The following ABCE1 variants were observed in gnomAD, a reference collection of about 807,000 sequenced individuals.
ABCE1 encodes the protein ATP-binding cassette sub-family E member 1.
ABCE1 carries 22 observed loss-of-function variants against 83.4 expected under a neutral mutation model. The ratio of observed to expected loss-of-function variants is 0.26; its 90% CI spans 0.19 to 0.38. ABCE1 has a LOEUF of 0.38. Among genes scored for constraint, ABCE1 ranks in the 10% least tolerant of loss-of-function variants. ABCE1 has a pLI of 1.00. For missense variants in ABCE1, 330 were observed against 721.9 expected (o/e 0.46, Z 6.22); for synonymous variants, 204 against 233.7 (o/e 0.87, Z 1.16).
At position 145,110,421 on chromosome 4, in the gene ABCE1, A is replaced by G; in HGVS notation, c.590A>G (p.Gln197Arg). Residue 197 changes from glutamine (Q) to arginine (R), a missense_variant, in exon 7 of 18, where the codon CAG becomes CGG. Physicochemically the swap from Gln to Arg is conservative, Grantham distance 43. Transcript: ENST00000296577. ...GACCGAAAAGATGAAACAAAGACAC[A>G]GGCAATTGTATGTCAGCAGCTTGGT... ...ILDRKDETKT[Q>R]AIVCQQLDLT... is the part of the protein sequence containing the mutation. 1 of 1,612,172 alleles carries G rather than the reference A, an allele frequency of 6.2e-7. No homozygotes were observed. The highest frequency in any genetic ancestry group is 8.5e-7 in the Non-Finnish European group (1 of 1,179,934).
Position 145,101,650 on chromosome 4 carries a change from C to T in ABCE1, c.-27-2736C>T, listed in dbSNP as rs34744117. 4.7e-3 allele frequency among the ~76,000 whole-genome samples: 714 copies of T among 152,298 alleles called. 2 individuals are homozygous for T. Among genetic ancestry groups the T allele is most frequent in the Middle Eastern group, 0.014 (4 of 294 alleles). Reference sequence around the variant, plus strand: ...GATGATAGTGATAGCTTACACCAAACTCATGAGATCAGATTCTGGATGTTT... The same window carrying T: ...GATGATAGTGATAGCTTACACCAAATTCATGAGATCAGATTCTGGATGTTT... On this transcript the variant is annotated intron_variant, in intron 1 of 17. Coordinates refer to ENST00000296577, the MANE Select transcript of ABCE1 (RefSeq NM_002940.3).
intron 17 of ABCE1, among the ~76,000 whole-genome samples, chr4:145,127,147 T>C (rs1749909175): frequency 6.6e-6 from 1 of 152,138 alleles, no homozygotes; most frequent in African/African-American, 2.4e-5. Flanking sequence ...ATATATTTTG[T>C]GTAGTAGGCA....
rs750519768 is a variant in ABCE1, at chr4:145,111,083, T to C, written c.710+19T>C. On this transcript the variant is annotated intron_variant, in intron 8 of 17. Transcript: ENST00000296577. ...CTGATATGTAGGTTACTTTACAATT[T>C]TTGTTTATCTTCATCCGTATTGTAG... 5 of 1,566,018 alleles carry C rather than the reference T, an allele frequency of 3.2e-6. No individual in the cohort carries two copies. In the Admixed American group the frequency reaches 8.7e-5, roughly 27 times the overall value.
intron 8 of ABCE1, among the ~76,000 whole-genome samples, chr4:145,111,582 C>T (rs1749477110): frequency 6.6e-6 from 1 of 152,224 alleles, no homozygotes; most frequent in African/African-American, 2.4e-5. Context: ...CCACCTCGGC[C>T]TCCCAAAGTG....
At chr4:145,099,639 T>G (rs1029742874) in intron 1 of ABCE1, among the ~76,000 whole-genome samples, 6 of 152,356 alleles carry the variant, frequency 3.9e-5, no homozygotes, top group African/African-American at 1.2e-4. Context: ...GTCTTAAACT[T>G]AAAACTCTTT....
At chr4:145,115,098 GTATACATT>G (rs1355952875) in intron 9 of ABCE1, among the ~76,000 whole-genome samples, 6 of 151,800 alleles carry the variant, frequency 4.0e-5, no homozygotes, top group Non-Finnish European at 8.8e-5. Flanking sequence ...TAACTGTAGG[GTATACATT>G]TTTTACAACC....
intron 3 of ABCE1, among the ~76,000 whole-genome samples, chr4:145,107,734 C>T (rs963842783): frequency 6.6e-6 from 1 of 152,322 alleles, no homozygotes; most frequent in East Asian, 1.9e-4. Context: ...TACTCAGGTG[C>T]TCCAGGGCTG....
intron 7 of ABCE1, 50 bp from the exon 8 acceptor site, chr4:145,110,918 C>A: frequency 1.6e-6 from 2 of 1,267,610 alleles, no homozygotes; most frequent in South Asian, 1.4e-5. Flanking sequence ...ATACTTTTTA[C>A]CTGGAAGAGG....
At chr4:145,122,692 T>C (rs1579222757) in intron 13 of ABCE1, 1 of 175,476 alleles carries the variant, frequency 5.7e-6, no homozygotes, top group African/African-American at 2.4e-5. Context: ...ATGCCTGTAG[T>C]TCCAGCTCCT....
intron 13 of ABCE1, chr4:145,122,811 G>GAA (rs557666892): frequency 2.1e-4 from 82 of 388,460 alleles, no homozygotes; most frequent in South Asian, 2.3e-4. Flanking sequence ...TGTCTCAAAA[G>GAA]AAAAAAAAAA....
intron 4 of ABCE1, among the ~76,000 whole-genome samples, chr4:145,108,633 A>T (rs1749376795): frequency 6.6e-6 from 1 of 152,194 alleles, no homozygotes. Context: ...TTACTAATAA[A>T]AAAGTATTTC....
intron 1 of ABCE1, 112 bp from the exon 2 acceptor site, chr4:145,104,274 C>A: frequency 7.4e-6 from 3 of 406,424 alleles, no homozygotes; most frequent in Admixed American, 4.5e-5. Context: ...TTTTTTTTTG[C>A]AGATAATCAT....
At chr4:145,122,951 C>T (rs2126714272) in intron 13 of ABCE1, 70 bp from the exon 14 acceptor site, 3 of 1,089,832 alleles carry the variant, frequency 2.8e-6, no homozygotes, top group Admixed American at 4.9e-5. Context: ...TTAACTTTGT[C>T]AAGATTCATA....
intron 1 of ABCE1, among the ~76,000 whole-genome samples, chr4:145,102,776 G>T (rs1353148958): frequency 1.3e-5 from 2 of 152,206 alleles, no homozygotes; most frequent in Admixed American, 1.3e-4. Flanking sequence ...GGATTGTTGT[G>T]TAGTAGGGGG....
chr4:145,116,712 T>C (rs1749615459), intron 9 of ABCE1, among the ~76,000 whole-genome samples: 1 of 151,962 alleles, frequency 6.6e-6, no homozygotes, highest in African/African-American at 2.4e-5. Flanking sequence ...TCACATCATA[T>C]CCCATTCTCA....
rs4148238 is a variant in ABCE1 at position 145,110,084 on chromosome 4, A to ATTT, written c.406-5_406-3dup. On this transcript the variant is annotated intron_variant, in intron 5 of 17. Transcript: ENST00000296577. The stretch of plus-strand genomic sequence containing the variant: ...TATTATTAAATTCACATGATTCTGT[A>ATTT]TTTTTTTTTTTTTTTTAGGATCCTC... 4.8e-5 allele frequency: 66 copies of ATTT among 1,364,702 alleles called. No individual in the cohort carries two copies. The highest frequency in any genetic ancestry group is 1.3e-4 in the South Asian group (9 of 68,006). 84.5% of individuals were successfully genotyped at this position (1,364,702 alleles called of 1,614,324 possible). A position where few individuals can be genotyped will look rare whatever the true frequency, so the allele number is the denominator to read the frequency against.
chr4:145,117,844 G>A (rs1190118362), intron 10 of ABCE1, among the ~76,000 whole-genome samples: 1 of 151,542 alleles, frequency 6.6e-6, no homozygotes, highest in Non-Finnish European at 1.5e-5. Flanking sequence ...TGGAACTAAG[G>A]CTATCTAAAA....
intron 9 of ABCE1, among the ~76,000 whole-genome samples, chr4:145,113,990 A>G (rs1749548793): frequency 6.6e-6 from 1 of 152,186 alleles, no homozygotes; most frequent in African/African-American, 2.4e-5. Context: ...AAGTGATGAA[A>G]GGATTATGAC....
intron 1 of ABCE1, among the ~76,000 whole-genome samples, chr4:145,104,037 C>T (rs1389510693): frequency 6.6e-6 from 1 of 151,908 alleles, no homozygotes; most frequent in Non-Finnish European, 1.5e-5. Flanking sequence ...GATAGCATGT[C>T]ATTTGTTCAG....
Sources: allele counts gnomAD v4.1 joint callset (sites outside exome capture counted in the v4.1 genomes callset), GRCh38; gene constraint gnomAD v4.1.1; transcripts MANE v1.5; gene names NCBI Gene and HGNC (gene_info 2026-07-23, HGNC 2026-07-21).